The following RTEL1 variants were observed in gnomAD, a reference collection of about 807,000 sequenced individuals.
RTEL1 encodes regulator of telomere elongation helicase 1.
RTEL1 carries 86 observed loss-of-function variants against 162.2 expected under a neutral mutation model. The observed-to-expected ratio is 0.53, with a 90% CI of 0.45 to 0.63. The LOEUF (loss-of-function observed/expected upper bound fraction) is 0.63, where lower values mean the gene tolerates loss of function less well. Ranked by LOEUF, RTEL1 falls within the 30% of genes least tolerant of loss-of-function variation. The probability of loss-of-function intolerance (pLI) is 0.00; values close to 1 mark genes in which losing one functional copy is unlikely to be tolerated. For synonymous variants in RTEL1, 958 were observed against 717.9 expected, an observed-to-expected ratio of 1.33 and a Z score of -5.35; for missense variants, 1,941 against 1,750.2, an observed-to-expected ratio of 1.11 and a Z score of -1.95.
At chr20:63,669,539 C>T (rs976251292) in intron 8 of RTEL1, among the ~76,000 whole-genome samples, 3 of 152,226 alleles carry the variant, frequency 2.0e-5, no homozygotes, top group Non-Finnish European at 4.4e-5. Context: ...ATTTTTTCAG[C>T]CCTCCTCTGA....
intron 30 of RTEL1, among the ~76,000 whole-genome samples, chr20:63,693,612 TCCACCTCCACCACCACCTCCA>T (rs2090868473): frequency 1.1e-3 from 3 of 2,712 alleles, no homozygotes; most frequent in Admixed American, 9.3e-3. Flanking sequence ...CACCACCACC[TCCACCTCCACCACCACCTCCA>T]CCACCACCAC....
Position 63,695,602 on chromosome 20 carries a change from TGC to T in RTEL1, c.3775_3776del (p.Ala1259LeufsTer2), listed in dbSNP as rs2145480909. ...AGGACGTGGTGCCCTTCCAGTGCCC[TGC>T]CTGTGACTTCCAGCGCTGCCAAGCC... Reference protein sequence around the residue: ...AEDVVPFQCPACDFQRCQACW... With the variant: ...AEDVVPFQCPXCDFQRCQACW... On this transcript the variant is annotated frameshift_variant, in exon 34 of 35. Transcript: ENST00000360203. LOFTEE classifies it low-confidence loss of function (END_TRUNC). 1.2e-6 allele frequency: 2 copies of T among 1,612,002 alleles called. No homozygotes were observed. Among genetic ancestry groups the T allele is most frequent in the Non-Finnish European group, 1.7e-6 (2 of 1,179,890 alleles).
In RTEL1 at chr20:63,690,959, G is replaced by T; in HGVS notation, c.2556+12G>T. ...CTGGCGAGGAGCAGGTACAGTTCCA[G>T]GGCCTTGGGATGGACACAGACCCTC... On this transcript the variant is annotated intron_variant, in intron 27 of 34. Coordinates refer to ENST00000360203, the MANE Select transcript of RTEL1 (RefSeq NM_001283009.2). 6.5e-7 allele frequency: 1 copy of T among 1,546,124 alleles called. No homozygotes were observed. Among genetic ancestry groups the T allele is most frequent in the Non-Finnish European group, 8.7e-7 (1 of 1,145,768 alleles).
At chr20:63,691,206 T>C (rs1388731042) in intron 27 of RTEL1, among the ~76,000 whole-genome samples, 1 of 151,984 alleles carries the variant, frequency 6.6e-6, no homozygotes, top group East Asian at 1.9e-4. Context: ...TTTGGTTCTC[T>C]GGCGGGTCAG....
At chr20:63,659,160 A>C in intron 1 of RTEL1, 73 bp from the exon 2 acceptor site, 1 of 531,774 alleles carries the variant, frequency 1.9e-6, no homozygotes, top group Non-Finnish European at 3.4e-6. Flanking sequence ...GGAGGGACTG[A>C]TGGAAACGCC....
chr20:63,673,944 A>AG lies in RTEL1; in HGVS notation c.771dup (p.Met258AspfsTer3), dbSNP rs2090295822. Reference sequence around the variant, plus strand: ...TCGGGTGTGCTTGGGCTCTAGGAGAAGATGTGTGAAGAATCGGCATCCTTT... The same window carrying AG: ...TCGGGTGTGCTTGGGCTCTAGGAGAAGGATGTGTGAAGAATCGGCATCCTTT... On this transcript the variant is annotated frameshift_variant, in exon 10 of 35. Coordinates refer to ENST00000360203, the MANE Select transcript of RTEL1 (RefSeq NM_001283009.2). LOFTEE classifies it high-confidence loss of function. The AG allele has an allele frequency of 6.2e-7, 1 of 1,610,670 alleles. No individual in the cohort carries two copies. The highest frequency in any genetic ancestry group is 8.5e-7 in the Non-Finnish European group (1 of 1,177,856).
In RTEL1 at chr20:63,695,572, G is replaced by A. The variant is rs754522932; in HGVS notation, c.3744G>A (p.Gly1248=). ...CAGGCTGTGTGTGCCAGGGCTGTGGGGCAGAGGACGTGGTGCCCTTCCAGT... is the reference window on the plus strand; with the variant it reads ...CAGGCTGTGTGTGCCAGGGCTGTGGAGCAGAGGACGTGGTGCCCTTCCAGT... ...LSAGCVCQGC[G]AEDVVPFQCP... is the part of the protein sequence containing the mutation. Residue 1248 remains glycine, a synonymous_variant, in exon 34 of 35, where the codon GGG becomes GGA. Transcript: ENST00000360203. 1.9e-6 allele frequency: 3 copies of A among 1,612,272 alleles called. No individual in the cohort carries two copies. The highest frequency in any genetic ancestry group is 2.5e-6 in the Non-Finnish European group (3 of 1,179,908).
intron 12 of RTEL1, among the ~76,000 whole-genome samples, chr20:63,678,783 T>TCTCCCACGGAACAGCACACACA (rs2090422475): frequency 3.2e-5 from 2 of 62,446 alleles, no homozygotes; most frequent in Admixed American, 4.2e-4. Context: ...AACAGCACAC[T>TCTCCCACGGAACAGCACACACA]CTCCCACGGA....
chr20:63,682,237 TGGAGAA>T (rs2090490785), intron 14 of RTEL1: 1 of 985,238 alleles, frequency 1.0e-6, no homozygotes, highest in Non-Finnish European at 1.2e-6. Flanking sequence ...CTTCCAGCTA[TGGAGAA>T]GACTCCACAC....
chr20:63,688,525 C>G lies in RTEL1; in HGVS notation c.1723-3C>G. ...GCCGTGTCCCTGCCTCTTCCTCCCA[C>G]AGGCCCGCGACTTGGCCAGGAAGAT... On this transcript the variant is annotated splice_region_variant and splice_polypyrimidine_tract_variant and intron_variant, in intron 20 of 34. Coordinates refer to ENST00000360203, the MANE Select transcript of RTEL1 (RefSeq NM_001283009.2). 1 of 1,610,172 alleles carries G rather than the reference C, an allele frequency of 6.2e-7. No individual in the cohort carries two copies. Among genetic ancestry groups the G allele is most frequent in the Non-Finnish European group, 8.5e-7 (1 of 1,179,370 alleles).
chr20:63,693,148 T>C lies in RTEL1; in HGVS notation c.2857T>C (p.Tyr953His), dbSNP rs773244715. Residue 953 changes from tyrosine to histidine, a missense_variant, in exon 30 of 35, where the codon TAC (tyrosine) becomes CAC (histidine). Physicochemically the swap from Tyr to His is moderately conservative, Grantham distance 83. Transcript: ENST00000360203. ...PKKHNLLQGF[Y>H]QFVRPHHKQQ... ...AGACGCCCCTTCCTCTACAGGCTTC[T>C]ACCAGTTTGTGCGGCCCCACCATAA... 2 of 1,612,208 alleles carry C rather than the reference T, an allele frequency of 1.2e-6. No homozygotes were observed. The highest frequency in any genetic ancestry group is 1.7e-6 in the Non-Finnish European group (2 of 1,179,568).
chr20:63,672,626 G>A lies in RTEL1; in HGVS notation c.765+5G>A. The A allele has an allele frequency of 6.3e-7, 1 of 1,577,216 alleles. No homozygotes were observed. The highest frequency in any genetic ancestry group is 8.6e-7 in the Non-Finnish European group (1 of 1,158,540). ...TTTGACGAAGCTCACAACGTGGTGA[G>A]TCTCCGCTGGCCTCCTAAACACCTC... On this transcript the variant is annotated splice_donor_5th_base_variant and intron_variant, in intron 9 of 34. Transcript: ENST00000360203.
chr20:63,690,864 G>C lies in RTEL1; in HGVS notation c.2473G>C (p.Val825Leu), dbSNP rs1399545162. 3 of 1,602,138 alleles carry C rather than the reference G, an allele frequency of 1.9e-6. No individual in the cohort carries two copies. The East Asian group carries it at 6.7e-5, about 36-fold the overall frequency. ...SLCVEYEQEP[V>L]PARQRPRGLL... ...GTGTGTGGAGTATGAGCAGGAGCCA[G>C]TTCCTGCCCGGCAGAGGCCCAGGGG... Residue 825 changes from valine (V) to leucine (L), a missense_variant, in exon 27 of 35, where the codon GTT becomes CTT. Coordinates refer to ENST00000360203, the MANE Select transcript of RTEL1 (RefSeq NM_001283009.2).
intron 33 of RTEL1, 30 bp from the exon 34 acceptor site, chr20:63,695,298 C>A (rs538534271): frequency 1.9e-5 from 30 of 1,583,396 alleles, no homozygotes; most frequent in Non-Finnish European, 2.3e-5. Flanking sequence ...AAGCCCCAGG[C>A]CCCCCTCAGA....
In RTEL1 at chr20:63,672,637, C is replaced by T; in HGVS notation, c.765+16C>T. On this transcript the variant is annotated intron_variant, in intron 9 of 34. Coordinates refer to ENST00000360203, the MANE Select transcript of RTEL1 (RefSeq NM_001283009.2). The stretch of plus-strand genomic sequence containing the variant: ...TCACAACGTGGTGAGTCTCCGCTGG[C>T]CTCCTAAACACCTCCTATTGCTTCT... 1 of 1,566,388 alleles carries T rather than the reference C, an allele frequency of 6.4e-7. No homozygotes were observed. The highest frequency in any genetic ancestry group is 8.7e-7 in the Non-Finnish European group (1 of 1,150,326).
intron 8 of RTEL1, among the ~76,000 whole-genome samples, chr20:63,670,900 A>G (rs1316423354): frequency 6.6e-6 from 1 of 152,118 alleles, no homozygotes; most frequent in Non-Finnish European, 1.5e-5. Flanking sequence ...ACTGGGAAGC[A>G]GCCCGCGTGA....
At chr20:63,685,912 G>A in intron 16 of RTEL1, 40 bp downstream of exon 16, 1 of 1,563,264 alleles carries the variant, frequency 6.4e-7, no homozygotes, top group South Asian at 1.1e-5. Flanking sequence ...CCGCCCGGGT[G>A]CAGTGCCCGG....
rs774311444 is a variant in RTEL1 at position 63,661,412 on chromosome 20, G to T, written c.217G>T (p.Ala73Ser). 9 of 1,613,806 alleles carry T rather than the reference G, an allele frequency of 5.6e-6. No individual in the cohort carries two copies. The highest frequency in any genetic ancestry group is 1.6e-4 in the Middle Eastern group (1 of 6,076). The change falls in exon 3 of 35, where the codon GCC (alanine) becomes TCC (serine). Residue 73 changes from alanine to serine, a missense_variant. Coordinates refer to ENST00000360203, the MANE Select transcript of RTEL1 (RefSeq NM_001283009.2). This position sits in a 1 kb window ranked among gnomAD's most constrained non-coding sequence, Gnocchi z 5.1. ...LRDGISARKI[A>S]ERAQGELFPD... ...AGACGGCATCTCTGCCCGCAAGATTGCCGAGAGGGCGCAAGGAGAGCTTTT... is the reference window on the plus strand; with the variant it reads ...AGACGGCATCTCTGCCCGCAAGATTTCCGAGAGGGCGCAAGGAGAGCTTTT...
chr20:63,664,472 G>T (rs1421843535), intron 6 of RTEL1, among the ~76,000 whole-genome samples: 1 of 152,152 alleles, frequency 6.6e-6, no homozygotes, highest in South Asian at 2.1e-4. Context: ...ACCTGGTGGG[G>T]AGGCCTCTGA....
Sources: gnomAD v4.1 joint callset for allele counts (sites outside exome capture counted in the v4.1 genomes callset) on GRCh38, gnomAD v4.1.1 for gene constraint, Gnocchi (gnomAD v3.1) non-coding constraint, MANE v1.5 for transcripts, NCBI Gene and HGNC (gene_info 2026-07-23, HGNC 2026-07-21) for gene names.